The following PCDH9 variants were observed in gnomAD, a reference collection of about 807,000 sequenced individuals.
The protein encoded by PCDH9 is protocadherin 9, also known as protocadherin-9.
PCDH9 carries 24 observed loss-of-function variants against 70.6 expected under a neutral mutation model. That is an observed-to-expected ratio of 0.34 (90% CI 0.25 to 0.48). PCDH9 has a LOEUF of 0.48. PCDH9 is among the 20% of genes least tolerant of loss of function. PCDH9 has a pLI of 0.99. For missense variants in PCDH9, 1,281 were observed against 1,503.6 expected, an observed-to-expected ratio of 0.85 and a Z score of 2.45; for synonymous variants, 562 against 558.5, an observed-to-expected ratio of 1.01 and a Z score of -0.09.
chr13:67,100,172 G>T (rs1351879421), intron 2 of PCDH9, among the ~76,000 whole-genome samples: 2 of 152,062 alleles, frequency 1.3e-5, no homozygotes, highest in Non-Finnish European at 2.9e-5. Context: ...TTTTAGGCCA[G>T]CTGACCCATA....
At position 66,423,609 on chromosome 13, in the gene PCDH9, C is replaced by T. The variant is rs146186936; in HGVS notation, c.3341-118581G>A. Among the ~76,000 whole-genome samples the T allele has an allele frequency of 6.6e-4, 101 of 152,174 alleles. 1 individual carries two copies. Among genetic ancestry groups the T allele is most frequent in the African/African-American group, 1.8e-3 (76 of 41,522 alleles). ...TTATCCCAAAAGATGTAGAAAAGGC[C>T]ATTGATAAAATTCAACAGCCCTTCA... On this transcript the variant is annotated intron_variant, in intron 4 of 4. Coordinates refer to ENST00000377865, the MANE Select transcript of PCDH9 (RefSeq NM_203487.3).
intron 3 of PCDH9, among the ~76,000 whole-genome samples, chr13:66,806,122 C>T (rs2080406566): frequency 6.6e-6 from 1 of 152,130 alleles, no homozygotes; most frequent in South Asian, 2.1e-4. Flanking sequence ...ATCTACATCT[C>T]TCTGTACATA....
At chr13:66,336,633 A>T (rs760765512) in intron 4 of PCDH9, among the ~76,000 whole-genome samples, 1 of 152,092 alleles carries the variant, frequency 6.6e-6, no homozygotes, top group Non-Finnish European at 1.5e-5. Context: ...GAGGACAATA[A>T]ATGAGTTTGC....
intron 3 of PCDH9, among the ~76,000 whole-genome samples, chr13:66,878,347 C>T (rs570037721): frequency 6.9e-4 from 105 of 152,136 alleles, no homozygotes; most frequent in African/African-American, 2.4e-3. Flanking sequence ...CTGCCTCAGC[C>T]TCCCGAGCAG....
chr13:67,163,256 C>A (rs74095375), intron 2 of PCDH9, among the ~76,000 whole-genome samples: 1,631 of 152,284 alleles, frequency 0.011, 35 homozygotes, highest in African/African-American at 0.037. Context: ...ACATAACTTT[C>A]TCACTTAGTG....
At chr13:66,780,673 A>C (rs1156229452) in intron 3 of PCDH9, among the ~76,000 whole-genome samples, 1 of 152,094 alleles carries the variant, frequency 6.6e-6, no homozygotes, top group Non-Finnish European at 1.5e-5. Context: ...GATACTTATG[A>C]GTTTCAGTGC....
chr13:67,123,200 G>T (rs929856825), intron 2 of PCDH9, among the ~76,000 whole-genome samples: 1 of 152,112 alleles, frequency 6.6e-6, no homozygotes, highest in South Asian at 2.1e-4. Flanking sequence ...TTCACAAAAG[G>T]TAAGTTTCCA....
chr13:66,342,843 A>G (rs1032084279), intron 4 of PCDH9, among the ~76,000 whole-genome samples: 8 of 151,094 alleles, frequency 5.3e-5, no homozygotes, highest in Non-Finnish European at 8.8e-5. Flanking sequence ...ATGAGTTTTC[A>G]CCGTGTTGCC....
intron 3 of PCDH9, among the ~76,000 whole-genome samples, chr13:66,729,490 T>A (rs536943129): frequency 1.3e-5 from 2 of 152,272 alleles, no homozygotes; most frequent in South Asian, 2.1e-4. Context: ...TATTTAACAA[T>A]CTTTATACCT....
chr13:66,964,361 T>C (rs916465609), intron 2 of PCDH9, among the ~76,000 whole-genome samples: 10 of 151,584 alleles, frequency 6.6e-5, no homozygotes, highest in African/African-American at 2.4e-4. Flanking sequence ...CAAAAATCCA[T>C]TAGGGAAATG....
At chr13:66,715,475 A>G (rs898838893) in intron 3 of PCDH9, among the ~76,000 whole-genome samples, 3 of 152,196 alleles carry the variant, frequency 2.0e-5, no homozygotes, top group Admixed American at 6.5e-5. Flanking sequence ...ATAAGAGATC[A>G]ATAATTCAGT....
At chr13:66,766,506 C>T (rs1463734598) in intron 3 of PCDH9, among the ~76,000 whole-genome samples, 1 of 151,864 alleles carries the variant, frequency 6.6e-6, no homozygotes, top group Non-Finnish European at 1.5e-5. Context: ...AGTTTATAGA[C>T]ATTAATACTT....
intron 2 of PCDH9, among the ~76,000 whole-genome samples, chr13:67,019,606 A>G (rs1039907381): frequency 6.6e-6 from 1 of 152,202 alleles, no homozygotes; most frequent in Non-Finnish European, 1.5e-5. Context: ...TAATGAGGGA[A>G]GGCACTGTAG....
At chr13:66,812,580 G>A (rs75449811) in intron 3 of PCDH9, among the ~76,000 whole-genome samples, 1 of 152,256 alleles carries the variant, frequency 6.6e-6, no homozygotes, top group East Asian at 1.9e-4. Flanking sequence ...GGCACTGTTG[G>A]AGCCTGAGGG....
chr13:66,908,388 G>A (rs1312693594), intron 2 of PCDH9, among the ~76,000 whole-genome samples: 1 of 152,206 alleles, frequency 6.6e-6, no homozygotes, highest in Admixed American at 6.5e-5. Context: ...AAGGACTAGA[G>A]AGGATAAAAC....
At chr13:66,549,578 C>T (rs1961384035) in intron 4 of PCDH9, among the ~76,000 whole-genome samples, 1 of 151,978 alleles carries the variant, frequency 6.6e-6, no homozygotes, top group Admixed American at 6.6e-5. Flanking sequence ...GGCACTGCTG[C>T]TCAGTTAAAC....
At position 67,226,773 on chromosome 13, in the gene PCDH9, C is replaced by G. The variant is rs150534834; in HGVS notation, c.1668G>C (p.Ala556=). 1.2e-6 allele frequency: 2 copies of G among 1,613,962 alleles called. No homozygotes were observed. Among genetic ancestry groups the G allele is most frequent in the African/African-American group, 1.3e-5 (1 of 74,894 alleles). The change falls in exon 2 of 5, where the codon GCG becomes GCC. Residue 556 remains alanine (A), a synonymous_variant. Transcript: ENST00000377865. This position sits in a 1 kb window ranked among gnomAD's most constrained non-coding sequence, Gnocchi z 5.0. The part of the protein sequence containing the change: ...DNGTPPLQSQ[A]AVIVTVLDEN... Reference sequence around the variant, plus strand: ...CATCCAGAACAGTAACAATCACAGCCGCTTGGCTTTGGAGGGGAGGGGTCC... The same window carrying G: ...CATCCAGAACAGTAACAATCACAGCGGCTTGGCTTTGGAGGGGAGGGGTCC...
At chr13:67,096,099 C>T (rs185808122) in intron 2 of PCDH9, among the ~76,000 whole-genome samples, 1 of 152,112 alleles carries the variant, frequency 6.6e-6, no homozygotes. Flanking sequence ...TTCAGATACC[C>T]GAATAGAGAA....
chr13:66,752,233 G>A (rs2079471550), intron 3 of PCDH9, among the ~76,000 whole-genome samples: 1 of 152,168 alleles, frequency 6.6e-6, no homozygotes. Flanking sequence ...ATTAAGCAGT[G>A]TCTAGTATAT....
Sources: gnomAD v4.1 joint callset for allele counts (sites outside exome capture counted in the v4.1 genomes callset) on GRCh38, gnomAD v4.1.1 for gene constraint, Gnocchi (gnomAD v3.1) non-coding constraint, MANE v1.5 for transcripts, NCBI Gene and HGNC (gene_info 2026-07-23, HGNC 2026-07-21) for gene names.